The following PTPRS variants were observed in gnomAD, a reference collection of about 807,000 sequenced individuals.
The protein encoded by PTPRS is receptor-type tyrosine-protein phosphatase S.
In PTPRS, 63 loss-of-function variants were observed where a neutral mutation model predicts 215.3. That is an observed-to-expected ratio of 0.29 (90% confidence interval 0.24 to 0.36). The LOEUF (loss-of-function observed/expected upper bound fraction) is 0.36. PTPRS is among the 10% of genes least tolerant of loss of function. The probability of loss-of-function intolerance (pLI) is 1.00; values close to 1 mark genes in which losing one functional copy is unlikely to be tolerated. For missense variants in PTPRS, 2,258 were observed against 2,825.8 expected, an observed-to-expected ratio of 0.80 and a Z score of 4.56; for synonymous variants, 1,404 against 1,191.4, an observed-to-expected ratio of 1.18 and a Z score of -3.68.
At chr19:5,265,255 G>C in intron 4 of PTPRS, 59 bp from the exon 5 acceptor site, 1 of 1,510,112 alleles carries the variant, frequency 6.6e-7, no homozygotes, top group Non-Finnish European at 9.0e-7. Flanking sequence ...AGCCACTCCT[G>C]AGCCTGGGGC....
At chr19:5,255,197 A>G (rs891152829) in intron 9 of PTPRS, among the ~76,000 whole-genome samples, 1 of 152,188 alleles carries the variant, frequency 6.6e-6, no homozygotes, top group South Asian at 2.1e-4. Context: ...CTGGGGAAAG[A>G]GGAGCTGGCC....
At chr19:5,270,019 CT>C (rs1407312226) in intron 4 of PTPRS, among the ~76,000 whole-genome samples, 1 of 151,656 alleles carries the variant, frequency 6.6e-6, no homozygotes, top group Admixed American at 6.6e-5. Flanking sequence ...ACAGCTTGTC[CT>C]TTTAATACCC....
chr19:5,215,444 G>A, intron 27 of PTPRS, 32 bp from the exon 28 acceptor site: 2 of 1,611,310 alleles, frequency 1.2e-6, no homozygotes, highest in East Asian at 2.2e-5. Flanking sequence ...CGGGTGTCAG[G>A]GTAGGTGCCT....
chr19:5,236,849 G>C, intron 13 of PTPRS, among the ~76,000 whole-genome samples: 1 of 128,278 alleles, frequency 7.8e-6, no homozygotes, highest in East Asian at 2.4e-4. Flanking sequence ...GGAGCAGGGG[G>C]AAAAAAAAAA....
intron 1 of PTPRS, among the ~76,000 whole-genome samples, chr19:5,288,982 G>A (rs923583809): frequency 3.3e-5 from 5 of 152,250 alleles, no homozygotes; most frequent in African/African-American, 1.2e-4. Context: ...ACTCCAGCCT[G>A]TCAGGGGCAG....
chr19:5,215,923 C>G (rs904263245), intron 26 of PTPRS, among the ~76,000 whole-genome samples: 1 of 152,128 alleles, frequency 6.6e-6, no homozygotes, highest in African/African-American at 2.4e-5. Flanking sequence ...AGAAGGGTCA[C>G]CCCAGAGGAT....
chr19:5,336,840 C>T (rs1282170036), intron 1 of PTPRS, among the ~76,000 whole-genome samples: 1 of 152,148 alleles, frequency 6.6e-6, no homozygotes, highest in East Asian at 1.9e-4. Flanking sequence ...AAATTCCCCT[C>T]CCTGGGCATC....
intron 1 of PTPRS, among the ~76,000 whole-genome samples, chr19:5,315,329 G>A (rs2049834466): frequency 7.4e-6 from 1 of 134,930 alleles, no homozygotes; most frequent in African/African-American, 2.7e-5. Context: ...TTCTTTTCAT[G>A]GAGAATTTTT....
At chr19:5,231,135 G>A (rs545885468) in intron 14 of PTPRS, among the ~76,000 whole-genome samples, 175 bp downstream of exon 14, 2 of 152,264 alleles carry the variant, frequency 1.3e-5, no homozygotes, top group South Asian at 2.1e-4. Context: ...GTCTAGAATC[G>A]CCAATTCCAA....
chr19:5,214,332 T>TCAGCCCC (rs764477714), intron 30 of PTPRS, 29 bp downstream of exon 30: 25 of 1,613,660 alleles, frequency 1.5e-5, no homozygotes, highest in South Asian at 1.2e-4. Flanking sequence ...TCCTCCACCC[T>TCAGCCCC]CAGCCCCCAG....
intron 11 of PTPRS, among the ~76,000 whole-genome samples, chr19:5,242,381 A>G (rs905454173): frequency 6.6e-6 from 1 of 151,716 alleles, no homozygotes; most frequent in Non-Finnish European, 1.5e-5. Flanking sequence ...ATAACTGTCC[A>G]ATTTTATTTT....
intron 9 of PTPRS, among the ~76,000 whole-genome samples, chr19:5,250,558 C>T (rs1305093566): frequency 6.6e-6 from 1 of 151,572 alleles, no homozygotes; most frequent in Non-Finnish European, 1.5e-5. Context: ...GTCCTCAGCA[C>T]GCTCCAGCTG....
In PTPRS at chr19:5,212,599, T is replaced by G. The variant is rs1329230401; in HGVS notation, c.4615-108A>C. 4 of 1,346,996 alleles carry G rather than the reference T, an allele frequency of 3.0e-6. No homozygotes were observed. The African/African-American group carries it at 5.8e-5, about 20-fold the overall frequency. 83.4% of individuals were successfully genotyped at this position (1,346,996 alleles called of 1,614,324 possible). On this transcript the variant is annotated intron_variant, in intron 30 of 37. Transcript: ENST00000262963. Reference sequence around the variant, plus strand: ...TGGCTCATGCCTGTTATCCCAGCACTTTGGGAGGCCGAGGTGGGCGGATCA... The same window carrying G: ...TGGCTCATGCCTGTTATCCCAGCACGTTGGGAGGCCGAGGTGGGCGGATCA...
chr19:5,313,590 C>T (rs562756179), intron 1 of PTPRS, among the ~76,000 whole-genome samples: 63 of 152,214 alleles, frequency 4.1e-4, no homozygotes, highest in Admixed American at 1.4e-3. Flanking sequence ...TACCTGTCTC[C>T]GTGTGATGTG....
chr19:5,231,798 C>T (rs1254099962), intron 13 of PTPRS, among the ~76,000 whole-genome samples, 183 bp from the exon 14 acceptor site: 1 of 56,646 alleles, frequency 1.8e-5, no homozygotes, highest in East Asian at 4.6e-4. Context: ...GTGGGATGGG[C>T]GGGTGGATGG....
intron 9 of PTPRS, among the ~76,000 whole-genome samples, chr19:5,253,577 T>C (rs1363085566): frequency 1.3e-5 from 2 of 152,166 alleles, no homozygotes; most frequent in African/African-American, 4.8e-5. Context: ...ATGAGAGCTA[T>C]GGCTCTGGGT....
In PTPRS at chr19:5,211,695, C is replaced by A. The variant is rs757375502; in HGVS notation, c.5129G>T (p.Arg1710Leu). Residue 1710 changes from arginine (R) to leucine (L), a missense_variant, in exon 33 of 38, where the codon CGC becomes CTC. By Grantham distance (102) the Arg-to-Leu change is moderately radical (BLOSUM62 -2). This residue lies in a region of PTPRS where 927 missense variants were observed against 1,125.9 expected (regional missense o/e 0.82). Transcript: ENST00000262963. ...CTCATAGGGCATGATGTTCACCAGG[C>A]GGTTCTTGAACTTGTTACAAGGCAG... Reference protein sequence around the residue: ...ANLPCNKFKNRLVNIMPYEST... With the variant: ...ANLPCNKFKNLLVNIMPYEST... 3.1e-6 allele frequency: 5 copies of A among 1,613,972 alleles called. No individual in the cohort carries two copies. The highest frequency in any genetic ancestry group is 1.3e-5 in the African/African-American group (1 of 74,912).
chr19:5,265,260 T>C, intron 4 of PTPRS, 64 bp from the exon 5 acceptor site: 8 of 1,462,786 alleles, frequency 5.5e-6, no homozygotes, highest in Non-Finnish European at 7.5e-6. Flanking sequence ...CTCCTGAGCC[T>C]GGGGCTCAGG....
In PTPRS at chr19:5,311,163, C is replaced by G. The variant is rs535459427; in HGVS notation, c.-94-24929G>C. ...GAAGTGCTGGGATTACAGGCATGAG[C>G]CACTGTGCCCAGCCTTTTGTATTTT... On this transcript the variant is annotated intron_variant, in intron 1 of 37. Transcript: ENST00000262963. Among the ~76,000 whole-genome samples, 4 of 152,300 alleles carry G rather than the reference C, an allele frequency of 2.6e-5. No individual in the cohort carries two copies. The East Asian group carries it at 7.7e-4, about 29-fold the overall frequency.
Sources: gnomAD v4.1 joint callset for allele counts (sites outside exome capture counted in the v4.1 genomes callset) on GRCh38, gnomAD v4.1.1 for gene constraint, gnomAD v4.1.1 regional missense constraint, MANE v1.5 for transcripts, NCBI Gene and HGNC (gene_info 2026-07-23, HGNC 2026-07-21) for gene names.